PPIL6: variants seen among roughly 807,000 people sequenced by gnomAD.
PPIL6 encodes probable inactive peptidyl-prolyl cis-trans isomerase-like 6.
A neutral mutation model predicts 36.8 loss-of-function variants in PPIL6; 39 were observed. That is an observed-to-expected ratio of 1.06 (90% CI 0.82 to 1.38). The LOEUF (loss-of-function observed/expected upper bound fraction) is 1.38, where lower values mean the gene tolerates loss of function less well. Ranked by LOEUF, PPIL6 falls within the 40% of genes most tolerant of loss-of-function variation. The probability of loss-of-function intolerance (pLI) is 0.00; values close to 1 mark genes in which losing one functional copy is unlikely to be tolerated. For missense variants in PPIL6, 368 were observed against 379.1 expected (o/e 0.97, Z 0.24); for synonymous variants, 123 against 134.1 (o/e 0.92, Z 0.57).
At chr6:109,418,243 C>T (rs1773361117) in intron 6 of PPIL6, 1 of 153,156 alleles carries the variant, frequency 6.5e-6, no homozygotes, top group African/African-American at 2.4e-5. Flanking sequence ...GGAGCCTGTC[C>T]TGGAAGAGAG....
chr6:109,397,895 CTT>C (rs66666058), intron 7 of PPIL6, among the ~76,000 whole-genome samples: 50 of 143,410 alleles, frequency 3.5e-4, no homozygotes, highest in African/African-American at 1.0e-3. Context: ...GGATTTAAAA[CTT>C]TTTTTTTTTT....
intron 1 of PPIL6, 157 bp downstream of exon 1, chr6:109,440,299 C>T: frequency 1.0e-6 from 1 of 967,608 alleles, no homozygotes; most frequent in Non-Finnish European, 1.6e-6. Context: ...TCCCGGTCCT[C>T]CAGACGGAGC....
At chr6:109,394,791 A>T (rs1582516331) in intron 7 of PPIL6, among the ~76,000 whole-genome samples, 1 of 152,258 alleles carries the variant, frequency 6.6e-6, no homozygotes, top group Non-Finnish European at 1.5e-5. Context: ...GCAAAGGCAC[A>T]GGGACTGTTC....
chr6:109,437,992 T>C (rs964835964), intron 1 of PPIL6, among the ~76,000 whole-genome samples: 1 of 152,262 alleles, frequency 6.6e-6, no homozygotes, highest in African/African-American at 2.4e-5. Context: ...AATGAAAATG[T>C]ATGCAATATT....
rs563999331 is a variant in PPIL6, at chr6:109,422,641, C to T, written c.632-3398G>A. Among the ~76,000 whole-genome samples the T allele has an allele frequency of 4.6e-5, 7 of 152,120 alleles. No individual in the cohort carries two copies. The South Asian group carries it at 1.0e-3, about 23-fold the overall frequency. ...CATTTCTCTCAAATCCATTCAAAGTCACATAATAATATACACTGGAGATGG... is the reference window on the plus strand; with the variant it reads ...CATTTCTCTCAAATCCATTCAAAGTTACATAATAATATACACTGGAGATGG... On this transcript the variant is annotated intron_variant, in intron 5 of 7. Coordinates refer to ENST00000521072, the MANE Select transcript of PPIL6 (RefSeq NM_173672.5).
At chr6:109,399,150 C>T (rs1473138216) in intron 7 of PPIL6, among the ~76,000 whole-genome samples, 1 of 152,108 alleles carries the variant, frequency 6.6e-6, no homozygotes, top group Non-Finnish European at 1.5e-5. Flanking sequence ...CTCTGTCGCC[C>T]AGGATGGAGT....
chr6:109,423,455 T>C (rs1233318028), intron 5 of PPIL6, among the ~76,000 whole-genome samples: 1 of 152,108 alleles, frequency 6.6e-6, no homozygotes, highest in East Asian at 1.9e-4. Context: ...TTTTAAAGTG[T>C]GTTGGATGTA....
At position 109,391,287 on chromosome 6, in the gene PPIL6, C is replaced by CAAAAAAAA. The variant is rs60069816; in HGVS notation, c.*1531_*1538dup. 6.2e-5 allele frequency: 3 copies of CAAAAAAAA among 48,178 alleles called. No individual in the cohort carries two copies. The highest frequency in any genetic ancestry group is 1.5e-4 in the Non-Finnish European group (3 of 19,576). 3.0% of individuals were successfully genotyped at this position (48,178 alleles called of 1,614,324 possible). A position where few individuals can be genotyped will look rare whatever the true frequency, so the allele number is the denominator to read the frequency against. On this transcript the variant is annotated 3_prime_UTR_variant, in exon 8 of 8. Transcript: ENST00000521072. ...TGGGCGACAGAGTGAGATTCCGTCTCAAAAAAAAAAAAAAAAAAAAAAAAA... is the reference window on the plus strand; with the variant it reads ...TGGGCGACAGAGTGAGATTCCGTCTCAAAAAAAAAAAAAAAAAAAAAAAAAAAAAAAAA...
chr6:109,409,134 G>C (rs1409226483), intron 6 of PPIL6, among the ~76,000 whole-genome samples: 2 of 152,138 alleles, frequency 1.3e-5, no homozygotes, highest in Non-Finnish European at 2.9e-5. Flanking sequence ...TTCAATTAAT[G>C]CTGAAAAAGC....
chr6:109,402,992 G>A, intron 6 of PPIL6: 1 of 1,322,010 alleles, frequency 7.6e-7, no homozygotes, highest in Non-Finnish European at 1.0e-6. Flanking sequence ...ATTTTGTTCT[G>A]CCGTGTCTCT....
intron 5 of PPIL6, among the ~76,000 whole-genome samples, chr6:109,421,154 C>T (rs1773523721): frequency 6.6e-6 from 1 of 152,226 alleles, no homozygotes; most frequent in Admixed American, 6.5e-5. Context: ...CTCCCACACC[C>T]ACCAACATTA....
rs893132523 is a variant in PPIL6, at chr6:109,440,428, C to T, written c.135+28G>A. 7 of 1,536,386 alleles carry T rather than the reference C, an allele frequency of 4.6e-6. No individual in the cohort carries two copies. In the African/African-American group the frequency reaches 7.0e-5, roughly 15 times the overall value. On this transcript the variant is annotated intron_variant, in intron 1 of 7. Coordinates refer to ENST00000521072, the MANE Select transcript of PPIL6 (RefSeq NM_173672.5). ...CGAGAGCGGGTAGCGGGGAGGGCCG[C>T]CCACGACGGAGGTTTCTCTGTGGTT... is the stretch of plus-strand genomic sequence containing the variant.
intron 5 of PPIL6, among the ~76,000 whole-genome samples, chr6:109,425,623 C>T (rs1773772923): frequency 6.6e-6 from 1 of 151,944 alleles, no homozygotes; most frequent in Non-Finnish European, 1.5e-5. Context: ...GGGGTGGGCC[C>T]CTGCTATCCT....
chr6:109,406,662 T>C (rs1449143059), intron 6 of PPIL6, among the ~76,000 whole-genome samples: 1 of 152,192 alleles, frequency 6.6e-6, no homozygotes, highest in African/African-American at 2.4e-5. Flanking sequence ...ACCTACAATT[T>C]AGTACAGTTC....
At chr6:109,412,614 C>A (rs570922223) in intron 6 of PPIL6, among the ~76,000 whole-genome samples, 1 of 152,112 alleles carries the variant, frequency 6.6e-6, no homozygotes, top group Non-Finnish European at 1.5e-5. Flanking sequence ...TCACTTTCAA[C>A]AAAGGTGCCA....
upstream of PPIL6, chr6:109,441,095 G>T: frequency 6.2e-7 from 1 of 1,613,764 alleles, no homozygotes; most frequent in Non-Finnish European, 8.5e-7. Flanking sequence ...AGTTCGAGCC[G>T]CCTAGCGCCC....
intron 2 of PPIL6, among the ~76,000 whole-genome samples, chr6:109,433,262 G>A (rs1774259608): frequency 6.6e-6 from 1 of 152,022 alleles, no homozygotes; most frequent in South Asian, 2.1e-4. Flanking sequence ...TCACCATGTT[G>A]GCCAGGCTGG....
At chr6:109,441,032 T>C (rs2115312315), upstream of PPIL6, 3 of 1,353,402 alleles carry the variant, frequency 2.2e-6, no homozygotes, top group Non-Finnish European at 3.2e-6. Flanking sequence ...AGGAACGGTC[T>C]GGGGAGAAGG....
intron 6 of PPIL6, among the ~76,000 whole-genome samples, chr6:109,415,470 T>C (rs1773208283): frequency 6.6e-6 from 1 of 152,208 alleles, no homozygotes; most frequent in Non-Finnish European, 1.5e-5. Flanking sequence ...TGCTGTGGTA[T>C]ATATTAGGCC....
Sources: allele counts gnomAD v4.1 joint callset (sites outside exome capture counted in the v4.1 genomes callset), GRCh38; gene constraint gnomAD v4.1.1; transcripts MANE v1.5; gene names NCBI Gene and HGNC (gene_info 2026-07-23, HGNC 2026-07-21).